Variants in BRD10 observed in about 807,000 individuals in gnomAD.
BRD10 encodes uncharacterized bromodomain-containing protein 10.
the BRD10 span, among the ~76,000 whole-genome samples, chr9:6,005,628 T>C: frequency 3.3e-5 from 5 of 152,226 alleles, no homozygotes; most frequent in Non-Finnish European, 7.3e-5. Context: ...TAAATCATTA[T>C]TCCCACATCT....
the BRD10 span, among the ~76,000 whole-genome samples, chr9:5,974,762 A>G: frequency 1.3e-5 from 2 of 152,290 alleles, no homozygotes; most frequent in Admixed American, 6.5e-5. Flanking sequence ...GGACAAACTT[A>G]CAAGATATTA....
the BRD10 span, among the ~76,000 whole-genome samples, chr9:5,949,793 A>G: frequency 1.3e-5 from 2 of 152,216 alleles, no homozygotes; most frequent in East Asian, 1.9e-4. Context: ...ACAAAAGATA[A>G]GTCATATAAC....
the BRD10 span, among the ~76,000 whole-genome samples, chr9:5,955,921 A>T: frequency 1.3e-5 from 2 of 152,160 alleles, no homozygotes; most frequent in Admixed American, 1.3e-4. Context: ...ACTGAGTGCC[A>T]TAAGTATTGC....
chr9:5,898,507 C>T, the BRD10 span, among the ~76,000 whole-genome samples: 12 of 152,262 alleles, frequency 7.9e-5, no homozygotes, highest in South Asian at 2.1e-3. Context: ...TTCCAATACA[C>T]GAATTTTGGG....
At chr9:5,975,349 G>GA in the BRD10 span, among the ~76,000 whole-genome samples, 1 of 134,750 alleles carries the variant, frequency 7.4e-6, no homozygotes, top group Non-Finnish European at 1.5e-5. Context: ...TGAAGCAGAA[G>GA]AATCGCTTGA....
the BRD10 span, among the ~76,000 whole-genome samples, chr9:5,911,685 C>A: frequency 6.6e-6 from 1 of 151,704 alleles, no homozygotes; most frequent in Admixed American, 6.6e-5. Flanking sequence ...CAGGTGTGTG[C>A]CCCCATGCCC....
the BRD10 span, chr9:5,881,588 C>G: frequency 3.4e-4 from 52 of 152,282 alleles, no homozygotes; most frequent in African/African-American, 1.3e-3. Context: ...TCTGGAACAC[C>G]GTGCTTGGTA....
chr9:5,971,292 A>G, the BRD10 span, among the ~76,000 whole-genome samples: 1 of 152,188 alleles, frequency 6.6e-6, no homozygotes, highest in African/African-American at 2.4e-5. Flanking sequence ...TGAAGAAACT[A>G]GAAACCTCAT....
chr9:5,967,032 A>G, the BRD10 span, among the ~76,000 whole-genome samples: 1 of 152,368 alleles, frequency 6.6e-6, no homozygotes, highest in South Asian at 2.1e-4. Context: ...TTAAATAACT[A>G]AAACATAACA....
the BRD10 span, among the ~76,000 whole-genome samples, chr9:5,918,569 C>A: frequency 6.6e-6 from 1 of 151,430 alleles, no homozygotes; most frequent in Non-Finnish European, 1.5e-5. Flanking sequence ...AAAAATTAGG[C>A]ATGGTGGCCC....
the BRD10 span, chr9:5,909,353 G>C: frequency 6.6e-6 from 1 of 152,458 alleles, no homozygotes; most frequent in Non-Finnish European, 1.5e-5. Flanking sequence ...CCGCCTCCCA[G>C]GTTCAAGCAA....
the BRD10 span, among the ~76,000 whole-genome samples, chr9:5,944,673 A>G: frequency 1.3e-5 from 2 of 152,136 alleles, no homozygotes; most frequent in African/African-American, 4.8e-5. Context: ...AATTAATTTA[A>G]CAGCCCCTGG....
the BRD10 span, among the ~76,000 whole-genome samples, chr9:5,897,145 T>C: frequency 6.6e-6 from 1 of 152,368 alleles, no homozygotes; most frequent in Admixed American, 6.5e-5. Flanking sequence ...ACCTGGCTTT[T>C]AGTAGATGAG....
chr9:5,917,402 G>C, the BRD10 span, among the ~76,000 whole-genome samples: 1 of 152,228 alleles, frequency 6.6e-6, no homozygotes, highest in Non-Finnish European at 1.5e-5. Context: ...AGGGAGAACA[G>C]GTTGAAATGA....
chr9:5,918,896 A>C, the BRD10 span: 4 of 152,268 alleles, frequency 2.6e-5, no homozygotes, highest in African/African-American at 9.7e-5. Context: ...AGCCATGTAC[A>C]AGTGCTAGCT....
chr9:5,924,252 T>G, the BRD10 span, among the ~76,000 whole-genome samples: 1 of 152,018 alleles, frequency 6.6e-6, no homozygotes, highest in African/African-American at 2.4e-5. Context: ...TACTGGCTCC[T>G]GAAACTCCTA....
chr9:5,882,115 G>A, the BRD10 span, among the ~76,000 whole-genome samples: 1 of 152,296 alleles, frequency 6.6e-6, no homozygotes, highest in South Asian at 2.1e-4. Flanking sequence ...AAACAGCAAA[G>A]ACTAGGAAGA....
the BRD10 span, among the ~76,000 whole-genome samples, chr9:5,911,053 C>G: frequency 7.9e-5 from 12 of 152,110 alleles, no homozygotes; most frequent in Non-Finnish European, 1.5e-4. Context: ...TGATGTGATC[C>G]TATTTGTCCA....
the BRD10 span, among the ~76,000 whole-genome samples, chr9:5,937,244 G>A: frequency 6.4e-5 from 9 of 140,822 alleles, no homozygotes; most frequent in East Asian, 1.9e-3. Flanking sequence ...AAAAAAAAAA[G>A]GGTTTAAAGC....
Sources: allele counts gnomAD v4.1 joint callset (sites outside exome capture counted in the v4.1 genomes callset), GRCh38; gene constraint gnomAD v4.1.1; transcripts MANE v1.5; gene names NCBI Gene and HGNC (gene_info 2026-07-23, HGNC 2026-07-21).